The following PSMF1 variants were observed in gnomAD, a reference collection of about 807,000 sequenced individuals.
PSMF1 encodes the protein proteasome inhibitor subunit 1, also known as proteasome inhibitor PI31 subunit.
A neutral mutation model predicts 29.3 loss-of-function variants in PSMF1; 30 were observed. The observed-to-expected ratio is 1.02, with a 90% CI of 0.77 to 1.39. The LOEUF is 1.39. Among genes scored for constraint, PSMF1 ranks in the 40% most tolerant of loss-of-function variants. The pLI is 0.00. For synonymous variants in PSMF1, 134 were observed against 139.7 expected (o/e 0.96, Z 0.29); for missense variants, 344 against 357.5 (o/e 0.96, Z 0.31).
At chr20:1,152,407 AG>A (rs2086542645) in intron 4 of PSMF1, among the ~76,000 whole-genome samples, 1 of 152,226 alleles carries the variant, frequency 6.6e-6, no homozygotes, top group African/African-American at 2.4e-5. Context: ...GATTGCTCCA[AG>A]AACAAAGAAA....
intron 4 of PSMF1, among the ~76,000 whole-genome samples, chr20:1,146,493 A>G (rs2086451774): frequency 6.6e-6 from 1 of 152,082 alleles, no homozygotes; most frequent in African/African-American, 2.4e-5. Context: ...CTCCCTGTGG[A>G]CAGTTGGAAA....
In PSMF1 at chr20:1,164,416, G is replaced by C. The variant is rs761561515; in HGVS notation, c.704G>C (p.Gly235Ala). The change falls in exon 6 of 7, where the codon GGC becomes GCC. Residue 235 changes from glycine (G) to alanine (A), a missense_variant. Gly to Ala is a moderately conservative substitution (Grantham distance 60). Coordinates refer to ENST00000335877, the MANE Select transcript of PSMF1 (RefSeq NM_006814.5). This position sits in a 1 kb window ranked among gnomAD's most constrained non-coding sequence, Gnocchi z 4.1. ...SSGLPNRLPP[G>A]AVPPGARFDP... is the part of the protein sequence containing the mutation. ...GGCCTCCCGAACCGACTTCCTCCAGGCGCTGTGCCCCCAGGAGCTCGCTTT... is the reference window on the plus strand; with the variant it reads ...GGCCTCCCGAACCGACTTCCTCCAGCCGCTGTGCCCCCAGGAGCTCGCTTT... 4 of 1,614,022 alleles carry C rather than the reference G, an allele frequency of 2.5e-6. No homozygotes were observed. The highest frequency in any genetic ancestry group is 3.4e-6 in the Non-Finnish European group (4 of 1,180,036).
chr20:1,161,948 C>T (rs2086672503), intron 4 of PSMF1, among the ~76,000 whole-genome samples: 1 of 152,180 alleles, frequency 6.6e-6, no homozygotes, highest in South Asian at 2.1e-4. Flanking sequence ...TTGATTTCAG[C>T]CCTTAAGTGC....
chr20:1,125,997 T>G, intron 2 of PSMF1: 1 of 466,536 alleles, frequency 2.1e-6, no homozygotes, highest in Non-Finnish European at 4.3e-6. Flanking sequence ...TTGGAGCCCT[T>G]GCACTTTACA....
chr20:1,171,371 C>T lies in PSMF1; in HGVS notation c.*6291C>T, dbSNP rs1279400669. 6.6e-6 allele frequency among the ~76,000 whole-genome samples: 1 copy of T among 152,164 alleles called. No individual in the cohort carries two copies. Among genetic ancestry groups the T allele is most frequent in the Non-Finnish European group, 1.5e-5 (1 of 68,030 alleles). ...CACAGGAATGGGCTCGGGCTCTCTG[C>T]TGGGCTCTGTCACCTGGCTCCATGT... On this transcript the variant is annotated 3_prime_UTR_variant, in exon 7 of 7. Transcript: ENST00000335877.
Position 1,170,136 on chromosome 20 carries a change from GACC to G in PSMF1, c.*5061_*5063del, listed in dbSNP as rs2086775605. Among the ~76,000 whole-genome samples, 1 of 152,178 alleles carries G rather than the reference GACC, an allele frequency of 6.6e-6. No individual in the cohort carries two copies. Among genetic ancestry groups the G allele is most frequent in the Non-Finnish European group, 1.5e-5 (1 of 68,038 alleles). On this transcript the variant is annotated 3_prime_UTR_variant, in exon 7 of 7. Coordinates refer to ENST00000335877, the MANE Select transcript of PSMF1 (RefSeq NM_006814.5). ...GGAAGACCTACCTCCTTGTTACTCAGACCACCAGCAACAGCAGCATCACCTGGG... is the reference window on the plus strand; with the variant it reads ...GGAAGACCTACCTCCTTGTTACTCAGACCAGCAACAGCAGCATCACCTGGG...
chr20:1,125,660 TG>T lies in PSMF1; in HGVS notation c.282+13del, dbSNP rs1478314783. The T allele has an allele frequency of 6.2e-7, 1 of 1,606,002 alleles. No individual in the cohort carries two copies. The highest frequency in any genetic ancestry group is 1.3e-5 in the African/African-American group (1 of 74,636). The stretch of plus-strand genomic sequence containing the variant: ...GATCCTCAATGTGCTGGTGAGTCTC[TG>T]GGACACGTGAGTCTGCTGATGAGAT... On this transcript the variant is annotated intron_variant, in intron 2 of 6. Coordinates refer to ENST00000335877, the MANE Select transcript of PSMF1 (RefSeq NM_006814.5).
intron 4 of PSMF1, among the ~76,000 whole-genome samples, chr20:1,141,835 A>G (rs1398501595): frequency 6.6e-6 from 1 of 152,252 alleles, no homozygotes; most frequent in Admixed American, 6.5e-5. Flanking sequence ...ATACCAGATT[A>G]ACATACAAAA....
intron 4 of PSMF1, among the ~76,000 whole-genome samples, chr20:1,138,396 T>G (rs1425763137): frequency 6.6e-6 from 1 of 152,074 alleles, no homozygotes; most frequent in Admixed American, 6.6e-5. Flanking sequence ...CGGTGGCTCA[T>G]GCCTGTAATC....
At chr20:1,118,550 T>C, upstream of PSMF1, 1 of 481,812 alleles carries the variant, frequency 2.1e-6, no homozygotes, top group Admixed American at 3.8e-5. Flanking sequence ...TGCGCTCGCG[T>C]TGCCAACCCG....
chr20:1,133,569 A>ATATATATATATATATATT lies in PSMF1; in HGVS notation c.366-1551_366-1550insATATATATATATATATTT. Among the ~76,000 whole-genome samples the ATATATATATATATATATT allele has an allele frequency of 3.1e-3, 164 of 53,226 alleles. 1 individual carries two copies. The highest frequency in any genetic ancestry group is 7.4e-3 in the East Asian group (24 of 3,230). 34.9% of individuals were successfully genotyped at this position (53,226 alleles called of 152,430 possible). On this transcript the variant is annotated intron_variant, in intron 3 of 6. Transcript: ENST00000335877. ...TCTATATATGTGTATATATATATAT[A>ATATATATATATATATATT]TTTTTTTTTTTTTTTTGGTGTAGTC...
rs1278287117 is a variant in PSMF1, at chr20:1,118,746, C to T, written c.-28C>T. ...CTGCACTACCCCCGCCCCCTTCTTT[C>T]CTCCAGACGCCGAAGTCGCGGGCGC... On this transcript the variant is annotated 5_prime_UTR_variant, in exon 1 of 7. Transcript: ENST00000335877. 6.2e-7 allele frequency: 1 copy of T among 1,604,976 alleles called. No homozygotes were observed. The highest frequency in any genetic ancestry group is 8.5e-7 in the Non-Finnish European group (1 of 1,174,842).
At chr20:1,118,420 G>A (rs1056008328), upstream of PSMF1, 1 of 213,182 alleles carries the variant, frequency 4.7e-6, no homozygotes, top group Non-Finnish European at 9.4e-6. Flanking sequence ...TCTCAGCAAG[G>A]TGGCCTCTTG....
intron 4 of PSMF1, among the ~76,000 whole-genome samples, chr20:1,149,554 C>T (rs755170445): frequency 6.6e-6 from 1 of 152,208 alleles, no homozygotes; most frequent in Non-Finnish European, 1.5e-5. Context: ...GTAATGGGCT[C>T]ACATCCTTTT....
chr20:1,140,812 C>T (rs2086371449), intron 4 of PSMF1, among the ~76,000 whole-genome samples: 1 of 152,072 alleles, frequency 6.6e-6, no homozygotes, highest in Non-Finnish European at 1.5e-5. Context: ...GATATTTCTC[C>T]AAGGAGGATG....
In PSMF1 at chr20:1,144,833, A is replaced by G. The variant is rs139547286; in HGVS notation, c.551+9527A>G. On this transcript the variant is annotated intron_variant, in intron 4 of 6. Coordinates refer to ENST00000335877, the MANE Select transcript of PSMF1 (RefSeq NM_006814.5). Reference sequence around the variant, plus strand: ...TGAGAGAGATCTTTGTGGTGGTTTAACTATTAGAGGAAACTGAGTGAAGTA... The same window carrying G: ...TGAGAGAGATCTTTGTGGTGGTTTAGCTATTAGAGGAAACTGAGTGAAGTA... Among the ~76,000 whole-genome samples, 4 of 152,312 alleles carry G rather than the reference A, an allele frequency of 2.6e-5. No individual in the cohort carries two copies. The East Asian group carries it at 7.7e-4, about 29-fold the overall frequency.
intron 4 of PSMF1, among the ~76,000 whole-genome samples, chr20:1,141,940 T>C (rs1003986695): frequency 6.6e-6 from 1 of 152,218 alleles, no homozygotes; most frequent in African/African-American, 2.4e-5. Context: ...TCAGATAGGC[T>C]GGGCACAATG....
intron 3 of PSMF1, among the ~76,000 whole-genome samples, chr20:1,133,569 A>ATATATATATATTTTTTTTTTTTTTT: frequency 7.5e-5 from 4 of 53,298 alleles, no homozygotes; most frequent in Non-Finnish European, 1.4e-4. Flanking sequence ...ATATATATAT[A>ATATATATATATTTTTTTTTTTTTTT]TTTTTTTTTT....
chr20:1,160,872 C>T, intron 4 of PSMF1: 1 of 453,998 alleles, frequency 2.2e-6, no homozygotes. Context: ...TGCATGTGTT[C>T]CTGGAGGAGC....
Sources: gnomAD v4.1 joint callset for allele counts (sites outside exome capture counted in the v4.1 genomes callset) on GRCh38, gnomAD v4.1.1 for gene constraint, Gnocchi (gnomAD v3.1) non-coding constraint, MANE v1.5 for transcripts, NCBI Gene and HGNC (gene_info 2026-07-23, HGNC 2026-07-21) for gene names.